The following PKD2 variants were observed in gnomAD, a reference collection of about 807,000 sequenced individuals.
PKD2 encodes polycystin 2, transient receptor potential cation channel.
In PKD2, 48 loss-of-function variants were observed where a neutral mutation model predicts 105.9. That is an observed-to-expected ratio of 0.45 (90% confidence interval 0.36 to 0.58). The LOEUF is 0.58. Among genes scored for constraint, PKD2 ranks in the 20% least tolerant of loss-of-function variants. PKD2 has a pLI of 0.00. For synonymous variants in PKD2, 464 were observed against 481.1 expected (o/e 0.96, Z 0.46); for missense variants, 1,078 against 1,255.3 (o/e 0.86, Z 2.13).
rs1304016037 is a variant in PKD2 at position 88,075,698 on chromosome 4, G to A, written c.*4G>A. 6 of 1,586,272 alleles carry A rather than the reference G, an allele frequency of 3.8e-6. No homozygotes were observed. The African/African-American group carries it at 4.0e-5, about 11-fold the overall frequency. ...GAGTTCTAATGTCCACGTATGATAT[G>A]TGTGTTTCAGTATGTGTGTTTCTAA... On this transcript the variant is annotated 3_prime_UTR_variant, in exon 15 of 15. Transcript: ENST00000237596.
At chr4:88,056,652 A>C (rs1159311242) in intron 8 of PKD2, among the ~76,000 whole-genome samples, 1 of 152,230 alleles carries the variant, frequency 6.6e-6, no homozygotes, top group African/African-American at 2.4e-5. Context: ...AAGGAAAAAA[A>C]CAAGATATTT....
intron 10 of PKD2, among the ~76,000 whole-genome samples, chr4:88,062,371 A>C (rs1183081201): frequency 6.6e-6 from 1 of 152,166 alleles, no homozygotes; most frequent in Non-Finnish European, 1.5e-5. Flanking sequence ...AGGGATTTCC[A>C]CCTCTTCTGT....
intron 11 of PKD2, 46 bp downstream of exon 11, chr4:88,065,541 A>G: frequency 6.3e-7 from 1 of 1,595,472 alleles, no homozygotes; most frequent in African/African-American, 1.3e-5. Context: ...CTGCTTCTAA[A>G]GATAAATTCC....
chr4:88,038,184 G>T, intron 3 of PKD2, 67 bp from the exon 4 acceptor site: 1 of 1,548,970 alleles, frequency 6.5e-7, no homozygotes, highest in African/African-American at 1.4e-5. Flanking sequence ...TTATGCAAAC[G>T]ATGCAGGCAG....
chr4:88,049,550 A>G (rs988567772), intron 6 of PKD2, among the ~76,000 whole-genome samples: 1 of 152,182 alleles, frequency 6.6e-6, no homozygotes, highest in African/African-American at 2.4e-5. Context: ...AGAACAAGGA[A>G]GGGCTACTGG....
Position 88,052,006 on chromosome 4 carries a change from A to C in PKD2, c.1564A>C (p.Ile522Leu), listed in dbSNP as rs374402854. Residue 522 changes from isoleucine (I) to leucine (L), a missense_variant, in exon 7 of 15, where the codon ATA becomes CTA. By Grantham distance (5) the Ile-to-Leu change is conservative (BLOSUM62 2). Transcript: ENST00000237596. ...VVIVVLSVVA[I>L]GINIYRTSNV... is the part of the protein sequence containing the mutation. ...TGCTTTTCAGCTGTCAGTGGTAGCT[A>C]TAGGAATTAACATATACAGAACATC... 35 of 1,585,266 alleles carry C rather than the reference A, an allele frequency of 2.2e-5. No homozygotes were observed. Among genetic ancestry groups the C allele is most frequent in the Admixed American group, 5.0e-5 (3 of 59,772 alleles).
chr4:88,019,428 T>C lies in PKD2; in HGVS notation c.596-30T>C, dbSNP rs372764946. The C allele has an allele frequency of 1.2e-4, 130 of 1,084,396 alleles. 3 individuals carry two copies. The South Asian group carries it at 1.6e-3, about 13-fold the overall frequency. 67.2% of individuals were successfully genotyped at this position (1,084,396 alleles called of 1,614,324 possible). A position where few individuals can be genotyped will look rare whatever the true frequency, so the allele number is the denominator to read the frequency against. On this transcript the variant is annotated intron_variant, in intron 1 of 14. Coordinates refer to ENST00000237596, the MANE Select transcript of PKD2 (RefSeq NM_000297.4). ...ATGAGATTTCTTAAATAAAATGATATCTTTTCTTTTCTTCATTATTATTTT... is the reference window on the plus strand; with the variant it reads ...ATGAGATTTCTTAAATAAAATGATACCTTTTCTTTTCTTCATTATTATTTT...
chr4:88,041,320 C>T (rs1727556253), intron 4 of PKD2, among the ~76,000 whole-genome samples: 1 of 152,180 alleles, frequency 6.6e-6, no homozygotes, highest in African/African-American at 2.4e-5. Flanking sequence ...TGAGTGACTT[C>T]AGGCCTCATT....
At chr4:88,030,926 A>G (rs1727123444) in intron 2 of PKD2, among the ~76,000 whole-genome samples, 1 of 152,260 alleles carries the variant, frequency 6.6e-6, no homozygotes, top group African/African-American at 2.4e-5. Context: ...TTCAAGCCTA[A>G]TAATTCCTTG....
At chr4:88,018,574 GT>G (rs1336362494) in intron 1 of PKD2, among the ~76,000 whole-genome samples, 1 of 152,172 alleles carries the variant, frequency 6.6e-6, no homozygotes, top group Non-Finnish European at 1.5e-5. Flanking sequence ...GTTCTTCCAA[GT>G]AACCAGCAAT....
At chr4:88,044,938 G>A (rs1445415704) in intron 5 of PKD2, among the ~76,000 whole-genome samples, 2 of 152,128 alleles carry the variant, frequency 1.3e-5, no homozygotes, top group Non-Finnish European at 2.9e-5. Flanking sequence ...TCCAGTAGTA[G>A]TTATCACTAG....
chr4:88,009,900 C>G (rs1280656710), intron 1 of PKD2, among the ~76,000 whole-genome samples: 1 of 152,042 alleles, frequency 6.6e-6, no homozygotes, highest in East Asian at 1.9e-4. Flanking sequence ...GATAACACCC[C>G]TAACCTTGTT....
intron 6 of PKD2, among the ~76,000 whole-genome samples, chr4:88,050,761 G>A (rs772239962): frequency 3.7e-4 from 56 of 151,520 alleles, no homozygotes; most frequent in Non-Finnish European, 5.5e-4. Context: ...AGTCTGCTGT[G>A]TTCATCATTC....
chr4:88,043,747 G>A (rs1422905444), intron 5 of PKD2, among the ~76,000 whole-genome samples: 4 of 152,096 alleles, frequency 2.6e-5, no homozygotes, highest in African/African-American at 9.7e-5. Flanking sequence ...TCTAACATCT[G>A]TCTTTACCCA....
rs190600838 is a variant in PKD2 at position 88,075,726 on chromosome 4, A to T, written c.*32A>T. ...TGTTTCAGTATGTGTGTTTCTAATA[A>T]GTGAGGAAGTGGCTGTCCTGAATTG... On this transcript the variant is annotated 3_prime_UTR_variant, in exon 15 of 15. Coordinates refer to ENST00000237596, the MANE Select transcript of PKD2 (RefSeq NM_000297.4). 4.1e-6 allele frequency: 6 copies of T among 1,479,666 alleles called. No individual in the cohort carries two copies. In the African/African-American group the frequency reaches 8.3e-5, roughly 20 times the overall value. 91.7% of individuals were successfully genotyped at this position (1,479,666 alleles called of 1,614,324 possible).
chr4:88,065,162 C>G (rs1720742330), intron 10 of PKD2, among the ~76,000 whole-genome samples: 1 of 152,148 alleles, frequency 6.6e-6, no homozygotes, highest in African/African-American at 2.4e-5. Context: ...TTCTTCATGA[C>G]TTACTGAAAG....
chr4:88,032,578 A>G (rs1024608562), intron 2 of PKD2, among the ~76,000 whole-genome samples: 1 of 152,204 alleles, frequency 6.6e-6, no homozygotes, highest in Admixed American at 6.5e-5. Context: ...GTACAGATGT[A>G]TGTGTCCTTT....
At chr4:88,048,120 A>G (rs1044192583) in intron 6 of PKD2, among the ~76,000 whole-genome samples, 7 of 152,232 alleles carry the variant, frequency 4.6e-5, no homozygotes, top group African/African-American at 1.7e-4. Context: ...TTAGATGCTT[A>G]CAAGCTTTGC....
intron 1 of PKD2, among the ~76,000 whole-genome samples, chr4:88,010,414 A>G (rs899746527): frequency 3.3e-5 from 5 of 152,238 alleles, no homozygotes; most frequent in Non-Finnish European, 7.3e-5. Context: ...TGCTATGAAT[A>G]AACTAGAATA....
Sources: gnomAD v4.1 joint callset for allele counts (sites outside exome capture counted in the v4.1 genomes callset) on GRCh38, gnomAD v4.1.1 for gene constraint, MANE v1.5 for transcripts, NCBI Gene and HGNC (gene_info 2026-07-23, HGNC 2026-07-21) for gene names.